Variants in CAMK1D observed in about 807,000 individuals in gnomAD.
CAMK1D encodes the protein calcium/calmodulin dependent protein kinase ID, also known as calcium/calmodulin-dependent protein kinase type 1D.
In CAMK1D, 9 loss-of-function variants were observed where a neutral mutation model predicts 47.7. That is an observed-to-expected ratio of 0.19 (90% CI 0.11 to 0.33). The LOEUF is 0.33. Among genes scored for constraint, CAMK1D ranks in the 10% least tolerant of loss-of-function variants. The probability of loss-of-function intolerance (pLI) is 1.00; values close to 1 mark genes in which losing one functional copy is unlikely to be tolerated. For synonymous variants in CAMK1D, 184 were observed against 184.9 expected, an observed-to-expected ratio of 0.99 and a Z score of 0.04; for missense variants, 291 against 488.7, an observed-to-expected ratio of 0.60 and a Z score of 3.81.
At chr10:12,353,833 G>C (rs2801500) in intron 1 of CAMK1D, among the ~76,000 whole-genome samples, 74,996 of 151,598 alleles carry the variant, frequency 0.49, 19,307 homozygotes, top group Non-Finnish European at 0.57. Flanking sequence ...GTTATGTAAT[G>C]GCAAATTAGG....
chr10:12,459,852 G>A (rs981679657), intron 1 of CAMK1D, among the ~76,000 whole-genome samples: 1 of 152,204 alleles, frequency 6.6e-6, no homozygotes, highest in Admixed American at 6.5e-5. Context: ...GATCAAAGCC[G>A]TGGGGAAAGG....
chr10:12,705,875 C>T (rs910155358), intron 3 of CAMK1D, among the ~76,000 whole-genome samples: 3 of 152,224 alleles, frequency 2.0e-5, no homozygotes, highest in African/African-American at 7.2e-5. Flanking sequence ...AAGTGATGCT[C>T]ACTGTTAACC....
chr10:12,825,689 CTG>C lies in CAMK1D; in HGVS notation c.1039+2_1039+3del. On this transcript the variant is annotated splice_donor_variant and coding_sequence_variant, in exon 10 of 11. Transcript: ENST00000619168. LOFTEE classifies it high-confidence loss of function. ...GCCTCAGTTTGGCCAGCCAAAAAGA[CTG>C]TGCGTATGTAGCAAAACCAGAATCC... 3 of 1,614,268 alleles carry C rather than the reference CTG, an allele frequency of 1.9e-6. No homozygotes were observed. The highest frequency in any genetic ancestry group is 2.5e-6 in the Non-Finnish European group (3 of 1,180,050).
At chr10:12,740,562 C>T (rs896458196) in intron 3 of CAMK1D, among the ~76,000 whole-genome samples, 7 of 152,120 alleles carry the variant, frequency 4.6e-5, no homozygotes, top group Admixed American at 3.3e-4. Context: ...CATGCCACTG[C>T]GCTCCAGCCT....
chr10:12,540,094 C>CTT (rs147814684), intron 1 of CAMK1D, among the ~76,000 whole-genome samples: 26 of 146,592 alleles, frequency 1.8e-4, no homozygotes, highest in African/African-American at 5.6e-4. Context: ...TTTCTTTTTT[C>CTT]TTTTCTTTTT....
intron 8 of CAMK1D, 48 bp downstream of exon 8, chr10:12,816,376 G>C: frequency 7.0e-7 from 1 of 1,427,566 alleles, no homozygotes; most frequent in Non-Finnish European, 9.7e-7. Flanking sequence ...AATGCCATCT[G>C]GGGGGGGCAC....
chr10:12,453,184 T>C (rs1481608295), intron 1 of CAMK1D, among the ~76,000 whole-genome samples: 2 of 124,400 alleles, frequency 1.6e-5, no homozygotes, highest in African/African-American at 6.4e-5. Flanking sequence ...TTTCTTCTTT[T>C]TCTTTTTTCT....
chr10:12,680,608 G>A (rs1024676143), intron 3 of CAMK1D, among the ~76,000 whole-genome samples: 10 of 152,152 alleles, frequency 6.6e-5, no homozygotes, highest in African/African-American at 2.2e-4. Flanking sequence ...ACGCATGTTG[G>A]TGATGATGCT....
At chr10:12,706,741 CA>C (rs764894832) in intron 3 of CAMK1D, among the ~76,000 whole-genome samples, 5,281 of 113,564 alleles carry the variant, frequency 0.047, 128 homozygotes, top group Non-Finnish European at 0.058. Flanking sequence ...ACCCTGTCTC[CA>C]AAAAAAAAAA....
intron 3 of CAMK1D, among the ~76,000 whole-genome samples, chr10:12,685,066 C>T (rs1588786657): frequency 1.3e-5 from 2 of 152,148 alleles, no homozygotes; most frequent in South Asian, 4.1e-4. Flanking sequence ...TTTGGGAGGC[C>T]GAGGTGGGTG....
At chr10:12,528,179 T>C (rs1835687455) in intron 1 of CAMK1D, among the ~76,000 whole-genome samples, 1 of 152,208 alleles carries the variant, frequency 6.6e-6, no homozygotes, top group South Asian at 2.1e-4. Flanking sequence ...CATAGCTAGT[T>C]AGTCAAGGAA....
At position 12,372,223 on chromosome 10, in the gene CAMK1D, T is replaced by C. The variant is rs932334706; in HGVS notation, c.92+22313T>C. Among the ~76,000 whole-genome samples, 9 of 152,324 alleles carry C rather than the reference T, an allele frequency of 5.9e-5. No individual in the cohort carries two copies. The South Asian group carries it at 1.9e-3, about 32-fold the overall frequency. On this transcript the variant is annotated intron_variant, in intron 1 of 10. Transcript: ENST00000619168. ...CCTAAAAGATGCATTTCTCAGAACA[T>C]ACCCGAGACTGTTAAGTGATGCATG...
At chr10:12,579,771 T>C (rs551253818) in intron 2 of CAMK1D, among the ~76,000 whole-genome samples, 1 of 152,356 alleles carries the variant, frequency 6.6e-6, no homozygotes, top group South Asian at 2.1e-4. Flanking sequence ...TTCACTGTGA[T>C]GGGGACCGTG....
chr10:12,494,040 G>A (rs1033721149), intron 1 of CAMK1D, among the ~76,000 whole-genome samples: 2 of 152,186 alleles, frequency 1.3e-5, no homozygotes, highest in Non-Finnish European at 2.9e-5. Flanking sequence ...TGAGACCTGG[G>A]TTAATGTAGT....
At chr10:12,731,219 A>G (rs1252184275) in intron 3 of CAMK1D, among the ~76,000 whole-genome samples, 1 of 152,208 alleles carries the variant, frequency 6.6e-6, no homozygotes, top group African/African-American at 2.4e-5. Context: ...GATCTAGTGT[A>G]CGTGCAAGAT....
chr10:12,700,461 G>A (rs1384572480), intron 3 of CAMK1D, among the ~76,000 whole-genome samples: 3 of 152,086 alleles, frequency 2.0e-5, no homozygotes, highest in South Asian at 2.1e-4. Context: ...TTCAACTACC[G>A]CCCACTGGGC....
intron 2 of CAMK1D, among the ~76,000 whole-genome samples, chr10:12,631,260 G>A (rs1277973929): frequency 2.6e-5 from 4 of 152,050 alleles, no homozygotes; most frequent in Non-Finnish European, 5.9e-5. Context: ...ATTATAAAAA[G>A]TCACTTTCTT....
At chr10:12,623,435 CCCTTCTTTCCTTCCTT>C (rs1564452439) in intron 2 of CAMK1D, among the ~76,000 whole-genome samples, 1 of 5,288 alleles carries the variant, frequency 1.9e-4, no homozygotes. Context: ...CTCCCTCCCT[CCCTTCTTTCCTTCCTT>C]CCTCCCTCCC....
intron 3 of CAMK1D, among the ~76,000 whole-genome samples, chr10:12,746,667 A>G (rs1002276467): frequency 2.0e-5 from 3 of 151,998 alleles, no homozygotes; most frequent in Non-Finnish European, 4.4e-5. Flanking sequence ...TTTCCCTTCT[A>G]TAATCGTGAC....
Sources: gnomAD v4.1 joint callset for allele counts (sites outside exome capture counted in the v4.1 genomes callset) on GRCh38, gnomAD v4.1.1 for gene constraint, MANE v1.5 for transcripts, NCBI Gene and HGNC (gene_info 2026-07-23, HGNC 2026-07-21) for gene names.